Variants in PLEKHH2 observed in about 807,000 individuals in gnomAD.
PLEKHH2 encodes pleckstrin homology, MyTH4 and FERM domain containing H2, also known as pleckstrin homology domain-containing family H member 2.
PLEKHH2 carries 129 observed loss-of-function variants against 187.9 expected under a neutral mutation model. That is an observed-to-expected ratio of 0.69 (90% confidence interval 0.59 to 0.79). PLEKHH2 has a LOEUF of 0.79. PLEKHH2 is among the 30% of genes least tolerant of loss of function. PLEKHH2 has a pLI of 0.00. For synonymous variants in PLEKHH2, 686 were observed against 605.6 expected, an observed-to-expected ratio of 1.13 and a Z score of -1.95; for missense variants, 2,076 against 1,751.2, an observed-to-expected ratio of 1.19 and a Z score of -3.31.
Position 43,700,459 on chromosome 2 carries a change from G to C in PLEKHH2, c.1501G>C (p.Glu501Gln). 1 of 1,614,088 alleles carries C rather than the reference G, an allele frequency of 6.2e-7. No individual in the cohort carries two copies. The highest frequency in any genetic ancestry group is 1.3e-5 in the African/African-American group (1 of 74,996). The change falls in exon 8 of 30, where the codon GAG (glutamate) becomes CAG (glutamine). Residue 501 changes from glutamate to glutamine, a missense_variant. Glu to Gln is a conservative substitution (Grantham distance 29). Transcript: ENST00000282406. ...TGATGGAGACAGTACAGAAGTTTTA[G>C]AGAATATGGACACGAGTTGTGATGA... ...LVDGDSTEVL[E>Q]NMDTSCDDGL... is the part of the protein sequence containing the mutation.
chr2:43,741,016 T>G lies in PLEKHH2; in HGVS notation c.3194T>G (p.Leu1065Arg). Reference sequence around the variant, plus strand: ...CATCCTTTCCTGTGGCTCCTCAGGCTTCACCTAAAGAGGAATGCAGATTCC... The same window carrying G: ...CATCCTTTCCTGTGGCTCCTCAGGCGTCACCTAAAGAGGAATGCAGATTCC... ...PHHPFLWLLRLHLKRNADSRT... is the reference protein window; with the variant it reads ...PHHPFLWLLRRHLKRNADSRT... Residue 1065 changes from leucine (L) to arginine (R), a missense_variant, in exon 21 of 30, where the codon CTT (leucine) becomes CGT (arginine). Physicochemically the swap from Leu to Arg is moderately radical, Grantham distance 102. Transcript: ENST00000282406. The G allele has an allele frequency of 6.2e-7, 1 of 1,613,716 alleles. No individual in the cohort carries two copies. The highest frequency in any genetic ancestry group is 2.2e-5 in the East Asian group (1 of 44,850).
At chr2:43,708,219 C>T (rs1669760017) in intron 11 of PLEKHH2, among the ~76,000 whole-genome samples, 1 of 152,218 alleles carries the variant, frequency 6.6e-6, no homozygotes, top group Admixed American at 6.5e-5. Context: ...TGCCCCGCTA[C>T]AGCCAGAATC....
intron 25 of PLEKHH2, among the ~76,000 whole-genome samples, chr2:43,755,816 C>T (rs1672191181): frequency 6.6e-6 from 1 of 152,106 alleles, no homozygotes; most frequent in Admixed American, 6.6e-5. Flanking sequence ...TGTGCTTCCT[C>T]CAAGAATGGT....
rs1157953653 is a variant in PLEKHH2 at position 43,753,633 on chromosome 2, T to C, written c.3668T>C (p.Val1223Ala). 3 of 1,525,070 alleles carry C rather than the reference T, an allele frequency of 2.0e-6. No homozygotes were observed. In the South Asian group the frequency reaches 4.0e-5, roughly 20 times the overall value. 94.5% of individuals were successfully genotyped at this position (1,525,070 alleles called of 1,614,324 possible). The stretch of plus-strand genomic sequence containing the variant: ...TTTTTTTACAGACTATATTTCTCAG[T>C]GCAAGCTCGTGGAGAGACTGATAGA... ...LTYKNRLYFS[V>A]QARGETDREK... Residue 1223 changes from valine to alanine, a missense_variant, in exon 25 of 30, where the codon GTG (valine) becomes GCG (alanine). Physicochemically the swap from Val to Ala is moderately conservative, Grantham distance 64. Transcript: ENST00000282406.
At chr2:43,739,993 T>C (rs1235250390) in intron 20 of PLEKHH2, among the ~76,000 whole-genome samples, 1 of 152,238 alleles carries the variant, frequency 6.6e-6, no homozygotes, top group Non-Finnish European at 1.5e-5. Flanking sequence ...TGTTTAAATA[T>C]ATAACTGTCT....
intron 28 of PLEKHH2, 109 bp downstream of exon 28, chr2:43,762,499 A>C: frequency 1.2e-6 from 1 of 806,974 alleles, no homozygotes; most frequent in South Asian, 1.6e-5. Context: ...TACCCAGGAA[A>C]CATTCTTCCT....
chr2:43,758,753 A>G (rs1322355366), intron 26 of PLEKHH2, 147 bp from the exon 27 acceptor site: 3 of 565,864 alleles, frequency 5.3e-6, no homozygotes, highest in African/African-American at 1.9e-5. Context: ...TGGTGTGATG[A>G]GAGTCACAAA....
chr2:43,676,276 C>T, intron 2 of PLEKHH2: 1 of 1,613,400 alleles, frequency 6.2e-7, no homozygotes, highest in Non-Finnish European at 8.5e-7. Context: ...GGAAATGCTC[C>T]CAAGCAACAT....
At chr2:43,756,146 T>C (rs1375169032) in intron 25 of PLEKHH2, among the ~76,000 whole-genome samples, 1 of 152,136 alleles carries the variant, frequency 6.6e-6, no homozygotes, top group African/African-American at 2.4e-5. Flanking sequence ...TGGGAAGGAC[T>C]CTATTCCCGG....
chr2:43,682,740 A>C (rs1263527097), intron 3 of PLEKHH2, among the ~76,000 whole-genome samples: 1 of 152,050 alleles, frequency 6.6e-6, no homozygotes, highest in Non-Finnish European at 1.5e-5. Context: ...TCCCCCTCCC[A>C]CTAGCCCCTG....
intron 29 of PLEKHH2, 148 bp from the exon 30 acceptor site, chr2:43,765,265 A>G: frequency 1.5e-6 from 1 of 661,054 alleles, no homozygotes; most frequent in Non-Finnish European, 2.5e-6. Context: ...CTGGACATGT[A>G]AGCACTTCAT....
At chr2:43,672,676 A>C (rs1298497267) in intron 2 of PLEKHH2, among the ~76,000 whole-genome samples, 1 of 152,184 alleles carries the variant, frequency 6.6e-6, no homozygotes, top group Non-Finnish European at 1.5e-5. Context: ...TTTTCTACTC[A>C]TTCCCTCTAA....
At chr2:43,708,632 C>G (rs1669792456) in intron 11 of PLEKHH2, among the ~76,000 whole-genome samples, 1 of 152,212 alleles carries the variant, frequency 6.6e-6, no homozygotes, top group African/African-American at 2.4e-5. Context: ...CAGTGGTCTC[C>G]TTCCGCTAGA....
chr2:43,717,445 C>G (rs941885824), intron 15 of PLEKHH2, among the ~76,000 whole-genome samples: 1 of 137,014 alleles, frequency 7.3e-6, no homozygotes, highest in African/African-American at 2.7e-5. Context: ...AACAAACAAA[C>G]AAACCCAAGA....
rs1233245791 is a variant in PLEKHH2 at position 43,706,395 on chromosome 2, A to G, written c.1800A>G (p.Pro600=). The part of the protein sequence containing the change: ...TSLIYKNMTT[P]VYTTLKGKAT... ...TGATATACAAGAACATGACCACCCC[A>G]GTGTATACAACTTTGAAGGGGGTAA... The change falls in exon 10 of 30, where the codon CCA becomes CCG. Residue 600 remains proline, a synonymous_variant. Transcript: ENST00000282406. 2 of 1,596,608 alleles carry G rather than the reference A, an allele frequency of 1.3e-6. No individual in the cohort carries two copies. Among genetic ancestry groups the G allele is most frequent in the African/African-American group, 1.3e-5 (1 of 74,552 alleles).
At position 43,704,007 on chromosome 2, in the gene PLEKHH2, A is replaced by G. The variant is rs770340857; in HGVS notation, c.1677A>G (p.Lys559=). 3 of 1,603,250 alleles carry G rather than the reference A, an allele frequency of 1.9e-6. No homozygotes were observed. The highest frequency in any genetic ancestry group is 3.4e-5 in the Admixed American group (2 of 59,420). ...SWESRIYAVA[K]SGIRMSEAFN... ...AAAGCAGAATTTATGCTGTAGCCAA[A>G]TCAGGTATTCGAATGTCTGAGGCCT... The change falls in exon 9 of 30, where the codon AAA becomes AAG. Residue 559 remains lysine (K), a synonymous_variant. Coordinates refer to ENST00000282406, the MANE Select transcript of PLEKHH2 (RefSeq NM_172069.4).
chr2:43,738,860 T>G (rs565707865), intron 20 of PLEKHH2, among the ~76,000 whole-genome samples: 129 of 152,322 alleles, frequency 8.5e-4, no homozygotes, highest in African/African-American at 3.0e-3. Context: ...CATTTCTATA[T>G]TTTTTCCTAT....
intron 24 of PLEKHH2, among the ~76,000 whole-genome samples, chr2:43,748,226 A>C (rs1671857574): frequency 6.6e-6 from 1 of 152,214 alleles, no homozygotes; most frequent in African/African-American, 2.4e-5. Flanking sequence ...CAGAGGTTCA[A>C]GTAATAAGAA....
rs562521184 is a variant in PLEKHH2, at chr2:43,725,195, C to T, written c.2542-1077C>T. Among the ~76,000 whole-genome samples the T allele has an allele frequency of 2.6e-5, 4 of 152,242 alleles. No homozygotes were observed. In the East Asian group the frequency reaches 5.8e-4, roughly 22 times the overall value. ...TTTTTTTATCAGCTCTGTCTCATTC[C>T]GTAACCACATAGGCTGACTGTTAGT... On this transcript the variant is annotated intron_variant, in intron 16 of 29. Transcript: ENST00000282406.
Sources: gnomAD v4.1 joint callset for allele counts (sites outside exome capture counted in the v4.1 genomes callset) on GRCh38, gnomAD v4.1.1 for gene constraint, MANE v1.5 for transcripts, NCBI Gene and HGNC (gene_info 2026-07-23, HGNC 2026-07-21) for gene names.